Variants in SNTG1 observed in about 807,000 individuals in gnomAD.
SNTG1 encodes syntrophin gamma 1.
A neutral mutation model predicts 74.7 loss-of-function variants in SNTG1; 39 were observed. That is an observed-to-expected ratio of 0.52 (90% CI 0.40 to 0.68). The LOEUF is 0.68. Among genes scored for constraint, SNTG1 ranks in the 30% least tolerant of loss-of-function variants. The probability of loss-of-function intolerance (pLI) is 0.00; values close to 1 mark genes in which losing one functional copy is unlikely to be tolerated. For missense variants in SNTG1, 685 were observed against 609.5 expected (o/e 1.12, Z -1.30); for synonymous variants, 254 against 217.1 (o/e 1.17, Z -1.49).
intron 1 of SNTG1, among the ~76,000 whole-genome samples, chr8:50,167,244 C>A (rs536863639): frequency 2.3e-5 from 3 of 131,270 alleles, no homozygotes; most frequent in South Asian, 2.4e-4. Flanking sequence ...GCACAATGTG[C>A]ACATGTACCC....
At chr8:50,485,418 A>G (rs1404486096) in intron 8 of SNTG1, among the ~76,000 whole-genome samples, 3 of 152,016 alleles carry the variant, frequency 2.0e-5, no homozygotes, top group Non-Finnish European at 4.4e-5. Context: ...TTTCCTTTTA[A>G]CTGGTTGTAA....
At chr8:50,440,709 C>T (rs79057094) in intron 5 of SNTG1, among the ~76,000 whole-genome samples, 4,645 of 152,082 alleles carry the variant, frequency 0.031, 99 homozygotes, top group South Asian at 0.08. Context: ...CGGCACACAC[C>T]GGAAAGACTC....
chr8:50,174,355 T>A (rs576782102), intron 2 of SNTG1, among the ~76,000 whole-genome samples: 1 of 152,328 alleles, frequency 6.6e-6, no homozygotes, highest in East Asian at 1.9e-4. Context: ...ATATACCCAG[T>A]AATGGGATTG....
chr8:50,219,506 A>T (rs1281715012), intron 2 of SNTG1, among the ~76,000 whole-genome samples: 1 of 152,182 alleles, frequency 6.6e-6, no homozygotes, highest in African/African-American at 2.4e-5. Context: ...TAATTGGCTC[A>T]TGGTTCCACA....
intron 1 of SNTG1, among the ~76,000 whole-genome samples, chr8:50,152,614 T>C (rs1476252646): frequency 6.6e-6 from 1 of 152,162 alleles, no homozygotes; most frequent in African/African-American, 2.4e-5. Flanking sequence ...GGTGAGAAAA[T>C]CTCTCAGCAT....
chr8:49,986,233 G>A (rs1038534326), intron 1 of SNTG1, among the ~76,000 whole-genome samples: 11 of 152,116 alleles, frequency 7.2e-5, no homozygotes, highest in African/African-American at 2.7e-4. Flanking sequence ...AATTTCTTGT[G>A]CCAAGCAGAA....
intron 1 of SNTG1, among the ~76,000 whole-genome samples, chr8:50,053,673 TATCCTGGATAGA>T (rs1270553259): frequency 1.6e-5 from 2 of 126,078 alleles, no homozygotes; most frequent in African/African-American, 7.8e-5. Flanking sequence ...TCCAGGATAG[TATCCTGGATAGA>T]ATCCTGGATT....
intron 8 of SNTG1, among the ~76,000 whole-genome samples, chr8:50,453,315 C>T (rs1003426275): frequency 5.3e-5 from 8 of 152,122 alleles, no homozygotes; most frequent in Admixed American, 5.2e-4. Flanking sequence ...ATCATGGAAG[C>T]ATTTACATCT....
chr8:49,938,140 A>T (rs1808254686), intron 1 of SNTG1, among the ~76,000 whole-genome samples: 1 of 152,104 alleles, frequency 6.6e-6, no homozygotes, highest in African/African-American at 2.4e-5. Flanking sequence ...TCATTCCATG[A>T]CCTTGACTAT....
rs1265399466 is a variant in SNTG1 at position 50,436,783 on chromosome 8, C to A, written c.163-1760C>A. ...TCTCCTTTTCAATAAAAAGACATTT[C>A]TAATACATAGTTTATTTTAAATTAT... On this transcript the variant is annotated intron_variant, in intron 4 of 18. Coordinates refer to ENST00000642720, the MANE Select transcript of SNTG1 (RefSeq NM_018967.5). Among the ~76,000 whole-genome samples, 3 of 152,064 alleles carry A rather than the reference C, an allele frequency of 2.0e-5. No homozygotes were observed. The East Asian group carries it at 5.8e-4, about 29-fold the overall frequency.
At chr8:50,663,605 C>G (rs192402830) in intron 15 of SNTG1, among the ~76,000 whole-genome samples, 1 of 152,112 alleles carries the variant, frequency 6.6e-6, no homozygotes, top group African/African-American at 2.4e-5. Context: ...CTCCCTAACA[C>G]GGCACTGTAG....
intron 5 of SNTG1, among the ~76,000 whole-genome samples, chr8:50,445,552 A>G (rs1442917903): frequency 1.3e-5 from 2 of 152,216 alleles, no homozygotes; most frequent in Admixed American, 6.5e-5. Context: ...AGATGGAATT[A>G]TACATCCTTC....
chr8:50,312,582 C>T (rs1307785753), intron 2 of SNTG1, among the ~76,000 whole-genome samples: 1 of 149,642 alleles, frequency 6.7e-6, no homozygotes, highest in Non-Finnish European at 1.5e-5. Flanking sequence ...ACTCAGTAGC[C>T]AAGGGTTTGG....
chr8:49,966,735 G>T lies in SNTG1; in HGVS notation c.-103+54504G>T, dbSNP rs147992700. ...GACTAAAACACATATTTAACCTATG[G>T]AAATAATTTATTTTTATTTTACTTT... On this transcript the variant is annotated intron_variant, in intron 1 of 18. Coordinates refer to ENST00000642720, the MANE Select transcript of SNTG1 (RefSeq NM_018967.5). Among the ~76,000 whole-genome samples the T allele has an allele frequency of 5.3e-3, 811 of 152,134 alleles. 11 individuals carry two copies. The highest frequency in any genetic ancestry group is 0.018 in the African/African-American group (767 of 41,516).
At chr8:50,104,608 T>C (rs203627) in intron 1 of SNTG1, among the ~76,000 whole-genome samples, 68,658 of 152,012 alleles carry the variant, frequency 0.45, 19,346 homozygotes, top group East Asian at 0.68. Flanking sequence ...CTGCTAGCTT[T>C]TGAATGTGTT....
In SNTG1 at chr8:50,450,793, C is replaced by T. The variant is rs2093449591; in HGVS notation, c.363+64C>T. On this transcript the variant is annotated intron_variant, in intron 8 of 18. Transcript: ENST00000642720. ...GTGCAAATAAGAATTTAGTGCATTG[C>T]TAAAGACTGTCACTTCATTCATTAG... 3 of 1,475,902 alleles carry T rather than the reference C, an allele frequency of 2.0e-6. No individual in the cohort carries two copies. The Admixed American group carries it at 5.3e-5, about 26-fold the overall frequency. The allele number at this position is 1,475,902 out of a possible 1,614,324, so 91.4% of individuals were successfully genotyped here.
At chr8:50,548,649 C>T (rs1416630429) in intron 11 of SNTG1, among the ~76,000 whole-genome samples, 1 of 151,946 alleles carries the variant, frequency 6.6e-6, no homozygotes, top group South Asian at 2.1e-4. Context: ...CAGTATTTAG[C>T]GCTACACAAA....
At chr8:49,918,035 G>A (rs990297574) in intron 1 of SNTG1, among the ~76,000 whole-genome samples, 3 of 152,028 alleles carry the variant, frequency 2.0e-5, no homozygotes, top group African/African-American at 7.2e-5. Flanking sequence ...GAACCTTTTC[G>A]TTTCCCATTT....
At chr8:50,363,552 A>T (rs2092023400) in intron 2 of SNTG1, among the ~76,000 whole-genome samples, 1 of 152,150 alleles carries the variant, frequency 6.6e-6, no homozygotes, top group Admixed American at 6.5e-5. Flanking sequence ...TTAGATCCTC[A>T]GTTGTGAAGT....
Sources: gnomAD v4.1 joint callset for allele counts (sites outside exome capture counted in the v4.1 genomes callset) on GRCh38, gnomAD v4.1.1 for gene constraint, MANE v1.5 for transcripts, NCBI Gene and HGNC (gene_info 2026-07-23, HGNC 2026-07-21) for gene names.